The following CSMD1 variants were observed in gnomAD, a reference collection of about 807,000 sequenced individuals.
The protein encoded by CSMD1 is CUB and sushi domain-containing protein 1.
Under a neutral mutation model 417.5 loss-of-function variants are expected in CSMD1, and 213 were observed. The ratio of observed to expected loss-of-function variants is 0.51; its 90% CI spans 0.46 to 0.57. The LOEUF (loss-of-function observed/expected upper bound fraction) is 0.57. Among genes scored for constraint, CSMD1 ranks in the 20% least tolerant of loss-of-function variants. The pLI is 0.00. For synonymous variants in CSMD1, 2,862 were observed against 1,736.8 expected (o/e 1.65, Z -16.11); for missense variants, 6,923 against 4,529.7 (o/e 1.53, Z -15.17).
rs145460005 is a variant in CSMD1, at chr8:4,942,964, C to G, written c.85+51368G>C. 1.3e-3 allele frequency among the ~76,000 whole-genome samples: 204 copies of G among 152,230 alleles called. 1 individual carries two copies. Among genetic ancestry groups the G allele is most frequent in the African/African-American group, 4.4e-3 (182 of 41,546 alleles). On this transcript the variant is annotated intron_variant, in intron 1 of 69. Transcript: ENST00000635120. ...GGGTGTGCATTCAGGATTGAGATAG[C>G]TTAAGGCAGCTTCCCAGAAAGTCAG...
chr8:3,896,990 A>G (rs1807416155), intron 5 of CSMD1, among the ~76,000 whole-genome samples: 2 of 151,926 alleles, frequency 1.3e-5, no homozygotes, highest in African/African-American at 2.4e-5. Context: ...TAGCAATTCT[A>G]GTTTTCCATT....
At chr8:4,891,510 G>C (rs1054814428) in intron 1 of CSMD1, among the ~76,000 whole-genome samples, 1 of 152,072 alleles carries the variant, frequency 6.6e-6, no homozygotes, top group African/African-American at 2.4e-5. Context: ...TTAGACAATA[G>C]TGTTTTATAC....
intron 3 of CSMD1, among the ~76,000 whole-genome samples, chr8:4,289,321 G>C (rs1164552693): frequency 6.6e-6 from 1 of 152,144 alleles, no homozygotes; most frequent in Non-Finnish European, 1.5e-5. Flanking sequence ...TTGCTATCAC[G>C]TAACTCCCAT....
At chr8:4,447,799 G>A (rs1012215916) in intron 2 of CSMD1, among the ~76,000 whole-genome samples, 18 of 151,464 alleles carry the variant, frequency 1.2e-4, no homozygotes, top group African/African-American at 4.2e-4. Context: ...GAAAATAAAC[G>A]AACACAACTA....
chr8:4,558,147 T>A (rs1201694575), intron 2 of CSMD1, among the ~76,000 whole-genome samples: 1 of 152,130 alleles, frequency 6.6e-6, no homozygotes, highest in African/African-American at 2.4e-5. Context: ...TAATAAGAAG[T>A]TAATCTGTGG....
chr8:4,017,434 G>A (rs1043993032), intron 4 of CSMD1, among the ~76,000 whole-genome samples: 8 of 152,074 alleles, frequency 5.3e-5, no homozygotes, highest in Admixed American at 4.6e-4. Flanking sequence ...CTCTTCCTGA[G>A]TAGCTAGGAT....
chr8:3,973,651 T>A (rs1362235524), intron 5 of CSMD1, among the ~76,000 whole-genome samples: 1 of 152,168 alleles, frequency 6.6e-6, no homozygotes, highest in Non-Finnish European at 1.5e-5. Flanking sequence ...GTTTACTCCC[T>A]CAAGTACCTC....
chr8:3,902,793 C>A (rs1262878816), intron 5 of CSMD1, among the ~76,000 whole-genome samples: 1 of 152,108 alleles, frequency 6.6e-6, no homozygotes, highest in Non-Finnish European at 1.5e-5. Flanking sequence ...TACTTTGCAA[C>A]ATTTTATGAG....
intron 1 of CSMD1, among the ~76,000 whole-genome samples, chr8:4,649,619 A>C (rs902239004): frequency 2.6e-5 from 4 of 152,310 alleles, no homozygotes; most frequent in African/African-American, 9.6e-5. Flanking sequence ...ACAAAAGCAA[A>C]GGCCAATTTT....
chr8:3,667,123 C>G (rs1585043208), intron 7 of CSMD1, among the ~76,000 whole-genome samples: 1 of 152,008 alleles, frequency 6.6e-6, no homozygotes, highest in Non-Finnish European at 1.5e-5. Flanking sequence ...TAGGGATACA[C>G]CAGTTTGGGA....
At chr8:3,459,927 T>A (rs528590605) in intron 12 of CSMD1, among the ~76,000 whole-genome samples, 2 of 152,298 alleles carry the variant, frequency 1.3e-5, no homozygotes, top group South Asian at 4.1e-4. Context: ...TGGCCCATGA[T>A]AATGCTACAA....
In CSMD1 at chr8:4,211,689, G is replaced by C. The variant is rs550933732; in HGVS notation, c.416-179590C>G. 5.4e-4 allele frequency among the ~76,000 whole-genome samples: 82 copies of C among 152,246 alleles called. 1 individual carries two copies. In the South Asian group the frequency reaches 0.012, roughly 23 times the overall value. ...ATCCTTAGCTGAAATGCAGACTTTA[G>C]GCAAGTTGAACATGAAGCAACCTGA... On this transcript the variant is annotated intron_variant, in intron 3 of 69. Transcript: ENST00000635120.
intron 2 of CSMD1, among the ~76,000 whole-genome samples, chr8:4,453,519 G>C (rs914279495): frequency 1.3e-5 from 2 of 152,216 alleles, no homozygotes; most frequent in Non-Finnish European, 2.9e-5. Context: ...TCTTGCATCA[G>C]ATTCCTGCAG....
At chr8:3,857,947 C>A (rs933686856) in intron 5 of CSMD1, among the ~76,000 whole-genome samples, 2 of 152,220 alleles carry the variant, frequency 1.3e-5, no homozygotes, top group Non-Finnish European at 2.9e-5. Flanking sequence ...ATAAAGCCTA[C>A]ACTGCATGGT....
intron 50 of CSMD1, among the ~76,000 whole-genome samples, chr8:3,043,234 G>GT (rs905139518): frequency 1.3e-5 from 2 of 148,874 alleles, no homozygotes; most frequent in Admixed American, 1.3e-4. Flanking sequence ...ATATGACCTA[G>GT]TACTGTAGGA....
intron 3 of CSMD1, among the ~76,000 whole-genome samples, chr8:4,317,413 A>G (rs1334978155): frequency 2.0e-5 from 3 of 152,136 alleles, no homozygotes; most frequent in Non-Finnish European, 2.9e-5. Flanking sequence ...TGGTTACAAA[A>G]CCAGTTAGTG....
intron 1 of CSMD1, among the ~76,000 whole-genome samples, chr8:4,768,325 G>A (rs17347376): frequency 0.44 from 66,207 of 151,592 alleles, 14,793 homozygotes; most frequent in Admixed American, 0.59. Flanking sequence ...GCCTATGATC[G>A]TAACATGAGC....
chr8:4,373,250 C>A (rs1309052395), intron 3 of CSMD1, among the ~76,000 whole-genome samples: 1 of 152,032 alleles, frequency 6.6e-6, no homozygotes, highest in Non-Finnish European at 1.5e-5. Context: ...GAGGAGCCTA[C>A]GAAGGTATGA....
intron 5 of CSMD1, among the ~76,000 whole-genome samples, chr8:3,919,627 G>A (rs907022511): frequency 6.6e-6 from 1 of 151,988 alleles, no homozygotes; most frequent in African/African-American, 2.4e-5. Flanking sequence ...GGTCTTTTGT[G>A]ATTCCATACA....
Sources: gnomAD v4.1 joint callset for allele counts (sites outside exome capture counted in the v4.1 genomes callset) on GRCh38, gnomAD v4.1.1 for gene constraint, MANE v1.5 for transcripts, NCBI Gene and HGNC (gene_info 2026-07-23, HGNC 2026-07-21) for gene names.